The following CACNA1I variants were observed in gnomAD, a reference collection of about 807,000 sequenced individuals.
CACNA1I encodes voltage-dependent T-type calcium channel subunit alpha-1I.
A neutral mutation model predicts 201.6 loss-of-function variants in CACNA1I; 74 were observed. The observed-to-expected ratio is 0.37, with a 90% confidence interval of 0.30 to 0.45. The LOEUF (loss-of-function observed/expected upper bound fraction) is 0.45, where lower values mean the gene tolerates loss of function less well. CACNA1I is among the 20% of genes least tolerant of loss of function. The pLI, the probability that CACNA1I is intolerant of heterozygous loss-of-function variation, is 1.00. For synonymous variants in CACNA1I, 1,431 were observed against 1,345.2 expected, an observed-to-expected ratio of 1.06 and a Z score of -1.40; for missense variants, 2,346 against 3,138.1, an observed-to-expected ratio of 0.75 and a Z score of 6.03.
In CACNA1I at chr22:39,669,275, TG is replaced by T. The variant is rs754925782; in HGVS notation, c.4195-758del. Among the ~76,000 whole-genome samples, 3 of 152,284 alleles carry T rather than the reference TG, an allele frequency of 2.0e-5. No individual in the cohort carries two copies. In the East Asian group the frequency reaches 5.8e-4, roughly 29 times the overall value. ...CCCAGTAAGGCTCTGGAGCTGGACG[TG>T]GGGGTGGCAGTATTGTGTGGGAGGA... is the stretch of plus-strand genomic sequence containing the variant. On this transcript the variant is annotated intron_variant, in intron 24 of 36. Transcript: ENST00000402142.
intron 7 of CACNA1I, among the ~76,000 whole-genome samples, chr22:39,645,526 CA>C (rs1934463363): frequency 6.6e-6 from 1 of 152,156 alleles, no homozygotes; most frequent in Non-Finnish European, 1.5e-5. Context: ...TGCTTGTGGA[CA>C]AGGTGACTGA....
chr22:39,656,537 G>C (rs530651267), intron 10 of CACNA1I: 1 of 511,168 alleles, frequency 2.0e-6, no homozygotes, highest in Non-Finnish European at 3.9e-6. Flanking sequence ...CCCAGAGCAC[G>C]AGCTTCTCAA....
At chr22:39,662,658 C>G in intron 17 of CACNA1I, 118 bp from the exon 18 acceptor site, 1 of 782,094 alleles carries the variant, frequency 1.3e-6, no homozygotes, top group South Asian at 1.6e-5. Flanking sequence ...TGGCTGCCCC[C>G]GGGGGGCAGA....
intron 18 of CACNA1I, among the ~76,000 whole-genome samples, chr22:39,663,211 T>C (rs1569089201): frequency 6.6e-6 from 1 of 152,234 alleles, no homozygotes; most frequent in Non-Finnish European, 1.5e-5. Context: ...TCCTCTAGTC[T>C]AGGCCATCCC....
intron 3 of CACNA1I, among the ~76,000 whole-genome samples, chr22:39,610,640 T>A (rs1933360611): frequency 6.6e-6 from 1 of 151,930 alleles, no homozygotes; most frequent in Admixed American, 6.6e-5. Context: ...TTTAAGGGAG[T>A]CAACTGTTTC....
At chr22:39,601,187 C>A (rs1382224414) in intron 3 of CACNA1I, among the ~76,000 whole-genome samples, 1 of 152,198 alleles carries the variant, frequency 6.6e-6, no homozygotes, top group Non-Finnish European at 1.5e-5. Context: ...CTGGGTCAAA[C>A]CCATCCATGC....
chr22:39,572,589 CCTT>C (rs1932220963), intron 1 of CACNA1I, among the ~76,000 whole-genome samples: 1 of 152,080 alleles, frequency 6.6e-6, no homozygotes, highest in South Asian at 2.1e-4. Context: ...CCTCCCTGCT[CCTT>C]CTGGGGGACG....
chr22:39,576,017 T>C (rs1241128471), intron 1 of CACNA1I, among the ~76,000 whole-genome samples: 1 of 152,140 alleles, frequency 6.6e-6, no homozygotes, highest in Non-Finnish European at 1.5e-5. Flanking sequence ...TCAAGTGATC[T>C]GCCCGCCTCG....
At chr22:39,645,953 G>A (rs1341845926) in intron 7 of CACNA1I, among the ~76,000 whole-genome samples, 1 of 152,182 alleles carries the variant, frequency 6.6e-6, no homozygotes, top group Non-Finnish European at 1.5e-5. Context: ...CCAGATTCTG[G>A]TCAGAGAGAA....
chr22:39,630,662 A>G (rs891633966), intron 4 of CACNA1I, among the ~76,000 whole-genome samples: 3 of 152,214 alleles, frequency 2.0e-5, no homozygotes, highest in African/African-American at 7.2e-5. Flanking sequence ...GGCACAGGCT[A>G]TGATGGAGGG....
In CACNA1I at chr22:39,684,452, G is replaced by A. The variant is rs1285494384; in HGVS notation, c.5981G>A (p.Trp1994Ter). 4.3e-6 allele frequency: 7 copies of A among 1,613,326 alleles called. No homozygotes were observed. The change falls in exon 36 of 37, where the codon TGG becomes TAG. Residue 1994 changes from tryptophan (W) to a stop codon, truncating the protein, a stop_gained. Transcript: ENST00000402142. LOFTEE classifies it high-confidence loss of function. This position sits in a 1 kb window ranked among gnomAD's most constrained non-coding sequence, Gnocchi z 4.6. ...TLPKIALQGS[W>*]ASLRSPRVNC... The stretch of plus-strand genomic sequence containing the variant: ...CCCAAGATTGCGCTGCAGGGCTCCT[G>A]GGCATCTCTGCGGTCACCAAGGGTC...
chr22:39,675,212 T>C (rs1935482931), intron 29 of CACNA1I, among the ~76,000 whole-genome samples: 1 of 152,226 alleles, frequency 6.6e-6, no homozygotes, highest in Non-Finnish European at 1.5e-5. Flanking sequence ...TGGTGAAGCA[T>C]CGCTCCCTCA....
rs77726693 is a variant in CACNA1I at position 39,636,136 on chromosome 22, C to A, written c.740+1412C>A. ...TGTGAGTGCATTTACCACCCAGAGG[C>A]AGGCTGGGAGCGAGAACCAGTTCTT... On this transcript the variant is annotated intron_variant, in intron 5 of 36. Transcript: ENST00000402142. 9.1e-3 allele frequency among the ~76,000 whole-genome samples: 1,380 copies of A among 152,336 alleles called. 21 individuals are homozygous for A. The highest frequency in any genetic ancestry group is 0.031 in the African/African-American group (1,303 of 41,558).
In CACNA1I at chr22:39,677,984, C is replaced by T; in HGVS notation, c.4934-3C>T. 1 of 1,586,020 alleles carries T rather than the reference C, an allele frequency of 6.3e-7. No individual in the cohort carries two copies. The highest frequency in any genetic ancestry group is 8.6e-7 in the Non-Finnish European group (1 of 1,166,850). On this transcript the variant is annotated splice_region_variant and splice_polypyrimidine_tract_variant and intron_variant, in intron 30 of 36. Transcript: ENST00000402142. This position sits in a 1 kb window ranked among gnomAD's most constrained non-coding sequence, Gnocchi z 4.8. ...GCAGGGCTGACCTCCTCCCCGCTTC[C>T]AGTCTGCAACGACGAGAACCCGTGC...
chr22:39,590,344 C>T (rs1932806987), intron 1 of CACNA1I, among the ~76,000 whole-genome samples: 1 of 152,236 alleles, frequency 6.6e-6, no homozygotes, highest in Admixed American at 6.5e-5. Flanking sequence ...CTTCCCCTCC[C>T]CTTCTTCCTG....
chr22:39,679,389 G>A lies in CACNA1I; in HGVS notation c.5338G>A (p.Gly1780Ser). The A allele has an allele frequency of 6.7e-7, 1 of 1,488,838 alleles. No homozygotes were observed. Among genetic ancestry groups the A allele is most frequent in the South Asian group, 1.3e-5 (1 of 75,800 alleles). The allele number at this position is 1,488,838 out of a possible 1,614,324, so 92.2% of individuals were successfully genotyped here. A position where few individuals can be genotyped will look rare whatever the true frequency, so the allele number is the denominator to read the frequency against. Residue 1780 changes from glycine to serine, a missense_variant, in exon 32 of 37, where the codon GGC becomes AGC. This residue lies in a region of CACNA1I where 441 missense variants were observed against 555.6 expected (regional missense o/e 0.79). Transcript: ENST00000402142. ...GAPGRGPGGA[G>S]GGGDTEGGLC... ...CCCTGGCCGAGGGCCGGGAGGGGCGGGCGGCGGGGGCGACACCGAGGGCGG... is the reference window on the plus strand; with the variant it reads ...CCCTGGCCGAGGGCCGGGAGGGGCGAGCGGCGGGGGCGACACCGAGGGCGG...
intron 3 of CACNA1I, among the ~76,000 whole-genome samples, chr22:39,618,495 G>T (rs572053311): frequency 6.6e-6 from 1 of 152,100 alleles, no homozygotes. Flanking sequence ...GCGCTCCAGC[G>T]GGTGGGGGAT....
At chr22:39,622,344 AGACCC>A (rs1933768900) in intron 4 of CACNA1I, among the ~76,000 whole-genome samples, 1 of 143,586 alleles carries the variant, frequency 7.0e-6, no homozygotes, top group South Asian at 2.2e-4. Flanking sequence ...GTCTGAGTTG[AGACCC>A]AGGGGAGGAT....
intron 10 of CACNA1I, among the ~76,000 whole-genome samples, chr22:39,650,799 C>T (rs1212285536): frequency 6.6e-6 from 1 of 152,172 alleles, no homozygotes; most frequent in Non-Finnish European, 1.5e-5. Context: ...GTGCTCCAGG[C>T]CCCTGGGCCA....
Sources: gnomAD v4.1 joint callset for allele counts (sites outside exome capture counted in the v4.1 genomes callset) on GRCh38, gnomAD v4.1.1 for gene constraint, gnomAD v4.1.1 regional missense constraint, Gnocchi (gnomAD v3.1) non-coding constraint, MANE v1.5 for transcripts, NCBI Gene and HGNC (gene_info 2026-07-23, HGNC 2026-07-21) for gene names.